The following EPM2A variants were observed in gnomAD, a reference collection of about 807,000 sequenced individuals.
The protein encoded by EPM2A is EPM2A glucan phosphatase, laforin.
In EPM2A, 21 loss-of-function variants were observed where a neutral mutation model predicts 26.5. That is an observed-to-expected ratio of 0.79 (90% CI 0.56 to 1.14). The LOEUF (loss-of-function observed/expected upper bound fraction) is 1.14. EPM2A is among the 50% of genes most tolerant of loss of function. The pLI is 0.00. For missense variants in EPM2A, 458 were observed against 440.8 expected, an observed-to-expected ratio of 1.04 and a Z score of -0.35; for synonymous variants, 217 against 177.6, an observed-to-expected ratio of 1.22 and a Z score of -1.76.
chr6:145,558,588 A>C (rs1780762784), intron 2 of EPM2A, among the ~76,000 whole-genome samples: 1 of 152,022 alleles, frequency 6.6e-6, no homozygotes, highest in African/African-American at 2.4e-5. Context: ...CTCATGAGGT[A>C]TATAGTAATA....
chr6:145,635,957 G>T (rs1334495303), intron 2 of EPM2A: 2 of 181,338 alleles, frequency 1.1e-5, no homozygotes, highest in Non-Finnish European at 2.3e-5. Context: ...ATATGCTAAA[G>T]AACAGAAGCT....
At chr6:145,689,188 G>A (rs1781121312) in intron 1 of EPM2A, among the ~76,000 whole-genome samples, 1 of 152,102 alleles carries the variant, frequency 6.6e-6, no homozygotes, top group Admixed American at 6.6e-5. Context: ...ATTTTTAAAA[G>A]TCTTTCATGG....
rs1057063173 is a variant in EPM2A, at chr6:145,681,107, A to C, written c.476+5015T>G. Reference sequence around the variant, plus strand: ...TTCTAACTGGTGTGAGATGGTATCTAATTGTGGTTTTGATTTGCATTTCTC... The same window carrying C: ...TTCTAACTGGTGTGAGATGGTATCTCATTGTGGTTTTGATTTGCATTTCTC... On this transcript the variant is annotated intron_variant, in intron 2 of 3. Coordinates refer to ENST00000367519, the MANE Select transcript of EPM2A (RefSeq NM_005670.4). Among the ~76,000 whole-genome samples the C allele has an allele frequency of 1.2e-4, 19 of 152,198 alleles. No homozygotes were observed. In the East Asian group the frequency reaches 1.5e-3, roughly 12 times the overall value.
At chr6:145,715,079 C>T (rs1285885650) in intron 1 of EPM2A, among the ~76,000 whole-genome samples, 1 of 151,814 alleles carries the variant, frequency 6.6e-6, no homozygotes, top group African/African-American at 2.4e-5. Context: ...GCTCACTGAG[C>T]ACTTTGGTAG....
intron 4 of EPM2A, among the ~76,000 whole-genome samples, chr6:145,410,392 T>C (rs1436861391): frequency 6.6e-6 from 1 of 152,084 alleles, no homozygotes; most frequent in Non-Finnish European, 1.5e-5. Context: ...TGAGGGCAAA[T>C]TGGAGCCCTA....
At chr6:145,420,480 C>A (rs1050068198) in intron 4 of EPM2A, among the ~76,000 whole-genome samples, 7 of 152,088 alleles carry the variant, frequency 4.6e-5, no homozygotes, top group African/African-American at 1.4e-4. Flanking sequence ...TTTATAAGTT[C>A]TTTTTATAAC....
intron 2 of EPM2A, among the ~76,000 whole-genome samples, chr6:145,655,053 G>A (rs1414413256): frequency 2.0e-5 from 3 of 151,986 alleles, no homozygotes; most frequent in African/African-American, 4.8e-5. Context: ...GTTTGATTTG[G>A]TTTTGTTGAA....
chr6:145,648,402 T>C (rs1777639935), intron 2 of EPM2A, among the ~76,000 whole-genome samples: 2 of 152,246 alleles, frequency 1.3e-5, no homozygotes, highest in African/African-American at 4.8e-5. Flanking sequence ...CAGCCACCCA[T>C]ACAATTCATC....
intron 2 of EPM2A, among the ~76,000 whole-genome samples, chr6:145,668,738 A>T (rs931281277): frequency 1.3e-5 from 2 of 152,184 alleles, no homozygotes; most frequent in Non-Finnish European, 2.9e-5. Context: ...ACACTGTGTG[A>T]GATGACTTTT....
chr6:145,729,796 T>G (rs1000240752), intron 1 of EPM2A, among the ~76,000 whole-genome samples: 1 of 152,152 alleles, frequency 6.6e-6, no homozygotes, highest in Non-Finnish European at 1.5e-5. Flanking sequence ...TTTTACAGTG[T>G]GAGAAGGACA....
intron 2 of EPM2A, among the ~76,000 whole-genome samples, chr6:145,570,153 C>G (rs984721668): frequency 2.0e-5 from 3 of 152,092 alleles, no homozygotes; most frequent in African/African-American, 7.2e-5. Context: ...GCCCCTGACT[C>G]AAATGTTAAT....
At chr6:145,648,597 C>T (rs980098553) in intron 2 of EPM2A, among the ~76,000 whole-genome samples, 6 of 152,222 alleles carry the variant, frequency 3.9e-5, no homozygotes, top group Non-Finnish European at 5.9e-5. Flanking sequence ...GCCCTGGCTA[C>T]ATGCTAGAAT....
chr6:145,705,574 A>G, intron 1 of EPM2A: 1 of 456,350 alleles, frequency 2.2e-6, no homozygotes. Context: ...AAACAAAGAA[A>G]AAGTGCAGGG....
chr6:145,647,755 AAGGACTTTACT>A (rs1777592498), intron 2 of EPM2A, among the ~76,000 whole-genome samples: 1 of 152,158 alleles, frequency 6.6e-6, no homozygotes, highest in Non-Finnish European at 1.5e-5. Context: ...GGGAAGAAGG[AAGGACTTTACT>A]AACTCAAGAT....
chr6:145,506,468 T>C (rs905750378), intron 2 of EPM2A, among the ~76,000 whole-genome samples: 7 of 151,914 alleles, frequency 4.6e-5, no homozygotes, highest in Admixed American at 2.6e-4. Context: ...CCTAAAAGTC[T>C]AAAAGCACAG....
chr6:145,539,599 C>T (rs1258749441), intron 2 of EPM2A, among the ~76,000 whole-genome samples: 2 of 152,134 alleles, frequency 1.3e-5, no homozygotes, highest in Non-Finnish European at 2.9e-5. Flanking sequence ...CAAAACACTT[C>T]AAGCCTAAAC....
intron 4 of EPM2A, among the ~76,000 whole-genome samples, chr6:145,458,095 G>C (rs1454366041): frequency 2.0e-5 from 3 of 152,260 alleles, no homozygotes; most frequent in South Asian, 2.1e-4. Flanking sequence ...GGAAAGTCCA[G>C]ACCTTTTAGG....
At chr6:145,419,333 T>C (rs569089514) in intron 4 of EPM2A, among the ~76,000 whole-genome samples, 159 of 152,300 alleles carry the variant, frequency 1.0e-3, no homozygotes, top group African/African-American at 3.0e-3. Context: ...CCAAAAGTCC[T>C]TCCAGGTCTA....
intron 2 of EPM2A, among the ~76,000 whole-genome samples, chr6:145,587,364 A>G (rs1273206355): frequency 1.3e-5 from 2 of 152,192 alleles, no homozygotes; most frequent in Non-Finnish European, 2.9e-5. Context: ...ATGAATTACT[A>G]ATATGCCTTG....
Sources: allele counts gnomAD v4.1 joint callset (sites outside exome capture counted in the v4.1 genomes callset), GRCh38; gene constraint gnomAD v4.1.1; transcripts MANE v1.5; gene names NCBI Gene and HGNC (gene_info 2026-07-23, HGNC 2026-07-21).